MSRA: variants seen among roughly 807,000 people sequenced by gnomAD.
MSRA encodes methionine sulfoxide reductase A.
A neutral mutation model predicts 31.3 loss-of-function variants in MSRA; 54 were observed. The ratio of observed to expected loss-of-function variants is 1.73; its 90% confidence interval spans 1.39 to 2.17. MSRA has a LOEUF of 2.17. MSRA is among the 30% of genes most tolerant of loss of function. The pLI is 0.00. For synonymous variants in MSRA, 169 were observed against 116.5 expected (o/e 1.45, Z -2.90); for missense variants, 507 against 300.9 (o/e 1.69, Z -5.07).
chr8:10,278,170 G>T (rs924325725), intron 3 of MSRA, among the ~76,000 whole-genome samples: 1 of 152,094 alleles, frequency 6.6e-6, no homozygotes, highest in African/African-American at 2.4e-5. Flanking sequence ...GAAGAGCCTG[G>T]GTTTCACAGC....
chr8:10,250,615 G>A, intron 3 of MSRA: 1 of 625,358 alleles, frequency 1.6e-6, no homozygotes, highest in South Asian at 1.9e-5. Flanking sequence ...TTTTCAAGCA[G>A]GCTGTTCAGC....
In MSRA at chr8:10,252,270, C is replaced by G. The variant is rs138911527; in HGVS notation, c.331+7047C>G. 8.1e-3 allele frequency among the ~76,000 whole-genome samples: 1,236 copies of G among 152,224 alleles called. 10 individuals are homozygous for G. The highest frequency in any genetic ancestry group is 0.045 in the South Asian group (215 of 4,818). ...GTGACTAGAACACCCAAAAGAAGTT[C>G]GAATCGTACACCCATTCTGCTCCTC... On this transcript the variant is annotated intron_variant, in intron 3 of 5. Coordinates refer to ENST00000317173, the MANE Select transcript of MSRA (RefSeq NM_012331.5).
At chr8:10,103,012 T>G (rs543279970) in intron 1 of MSRA, among the ~76,000 whole-genome samples, 1 of 152,204 alleles carries the variant, frequency 6.6e-6, no homozygotes, top group South Asian at 2.1e-4. Flanking sequence ...TGAGCCTTCT[T>G]TAATCACTAG....
chr8:10,202,044 A>G (rs1393397835), intron 1 of MSRA, among the ~76,000 whole-genome samples: 1 of 152,248 alleles, frequency 6.6e-6, no homozygotes, highest in Non-Finnish European at 1.5e-5. Context: ...ACTGGTAATC[A>G]ATAGTTAGGG....
At chr8:10,291,873 A>AT (rs1321652137) in intron 3 of MSRA, among the ~76,000 whole-genome samples, 1 of 152,148 alleles carries the variant, frequency 6.6e-6, no homozygotes, top group African/African-American at 2.4e-5. Flanking sequence ...TTTTTATTTT[A>AT]AAGATCAGTT....
chr8:10,296,804 A>G (rs1585396763), intron 3 of MSRA, among the ~76,000 whole-genome samples: 1 of 151,990 alleles, frequency 6.6e-6, no homozygotes, highest in Middle Eastern at 3.4e-3. Context: ...CCTCTCCCAG[A>G]CCCCGCCAAG....
At chr8:10,145,608 G>A (rs1803079202) in intron 1 of MSRA, among the ~76,000 whole-genome samples, 3 of 152,310 alleles carry the variant, frequency 2.0e-5, no homozygotes, top group Admixed American at 6.5e-5. Flanking sequence ...TATACATTCT[G>A]ATGATGTGAC....
At chr8:10,291,067 C>T (rs986224513) in intron 3 of MSRA, among the ~76,000 whole-genome samples, 1 of 152,202 alleles carries the variant, frequency 6.6e-6, no homozygotes, top group African/African-American at 2.4e-5. Context: ...TGGCTCACTG[C>T]TATCCTAGTT....
chr8:10,415,239 A>G (rs113353263), intron 5 of MSRA, among the ~76,000 whole-genome samples: 50 of 152,148 alleles, frequency 3.3e-4, no homozygotes, highest in African/African-American at 1.2e-3. Flanking sequence ...TGCGGTAGAG[A>G]AGGAAGGACC....
chr8:10,147,839 G>C (rs989220503), intron 1 of MSRA, among the ~76,000 whole-genome samples: 3 of 152,236 alleles, frequency 2.0e-5, no homozygotes, highest in Non-Finnish European at 4.4e-5. Context: ...TGTCACTCCA[G>C]CGAGTTCACC....
chr8:10,380,787 C>G (rs927273912), intron 5 of MSRA, among the ~76,000 whole-genome samples: 3 of 150,756 alleles, frequency 2.0e-5, no homozygotes, highest in African/African-American at 4.9e-5. Context: ...GATGGATGAA[C>G]AGACAGATGG....
intron 3 of MSRA, among the ~76,000 whole-genome samples, chr8:10,247,029 A>G (rs932675836): frequency 1.3e-5 from 2 of 152,208 alleles, no homozygotes; most frequent in Non-Finnish European, 2.9e-5. Context: ...CTTTATACCT[A>G]TTATCCTCAA....
chr8:10,402,742 A>C (rs763914854), intron 5 of MSRA, among the ~76,000 whole-genome samples: 1 of 152,216 alleles, frequency 6.6e-6, no homozygotes, highest in Non-Finnish European at 1.5e-5. Flanking sequence ...AGCTCTTCTC[A>C]AAAGTATAGT....
At chr8:10,337,781 C>T (rs1194558809) in intron 5 of MSRA, 7 of 702,504 alleles carry the variant, frequency 1.0e-5, no homozygotes, top group Non-Finnish European at 1.8e-5. Context: ...CGCCTGGGTG[C>T]AGCCATCTTC....
At chr8:10,303,913 C>G (rs909080436) in intron 4 of MSRA, among the ~76,000 whole-genome samples, 1 of 152,040 alleles carries the variant, frequency 6.6e-6, no homozygotes, top group Admixed American at 6.5e-5. Flanking sequence ...GCCAGGTGCC[C>G]TTTTATTTTT....
At chr8:10,079,168 CTTTT>C (rs200274857) in intron 1 of MSRA, among the ~76,000 whole-genome samples, 5 of 151,106 alleles carry the variant, frequency 3.3e-5, no homozygotes, top group African/African-American at 7.3e-5. Context: ...GTACTTTTTT[CTTTT>C]TTTTTAGGCA....
At chr8:10,082,417 CG>C (rs886573151) in intron 1 of MSRA, among the ~76,000 whole-genome samples, 9 of 152,082 alleles carry the variant, frequency 5.9e-5, no homozygotes, top group African/African-American at 2.2e-4. Context: ...TGCTTGAGGG[CG>C]AAGCTGTCCA....
intron 1 of MSRA, among the ~76,000 whole-genome samples, chr8:10,163,543 C>A (rs754695999): frequency 6.6e-6 from 1 of 152,178 alleles, no homozygotes. Flanking sequence ...CTTGTGCCTT[C>A]GTAGAGAAAA....
intron 4 of MSRA, among the ~76,000 whole-genome samples, chr8:10,311,457 G>A (rs1801426414): frequency 6.8e-6 from 1 of 147,236 alleles, no homozygotes; most frequent in South Asian, 2.1e-4. Flanking sequence ...GACATAAGAT[G>A]CTGTACCCCA....
Sources: allele counts gnomAD v4.1 joint callset (sites outside exome capture counted in the v4.1 genomes callset), GRCh38; gene constraint gnomAD v4.1.1; transcripts MANE v1.5; gene names NCBI Gene and HGNC (gene_info 2026-07-23, HGNC 2026-07-21).